MPPED2: variants seen among roughly 807,000 people sequenced by gnomAD.
MPPED2 encodes the protein metallophosphoesterase domain containing 2, also known as metallophosphoesterase MPPED2.
A neutral mutation model predicts 33.0 loss-of-function variants in MPPED2; 5 were observed. The observed-to-expected ratio is 0.15, with a 90% CI of 0.08 to 0.32. The LOEUF (loss-of-function observed/expected upper bound fraction) is 0.32, where lower values mean the gene tolerates loss of function less well. Among genes scored for constraint, MPPED2 ranks in the 10% least tolerant of loss-of-function variants. MPPED2 has a pLI of 1.00. For missense variants in MPPED2, 275 were observed against 372.1 expected (o/e 0.74, Z 2.15); for synonymous variants, 136 against 141.9 (o/e 0.96, Z 0.29).
At chr11:30,563,051 C>T (rs1268158442) in intron 2 of MPPED2, among the ~76,000 whole-genome samples, 8 of 152,164 alleles carry the variant, frequency 5.3e-5, no homozygotes, top group Middle Eastern at 3.4e-3. Flanking sequence ...GGGGATAAAA[C>T]GAGAAGCAAA....
chr11:30,446,472 T>C (rs1255038363), intron 4 of MPPED2, among the ~76,000 whole-genome samples: 1 of 150,008 alleles, frequency 6.7e-6, no homozygotes, highest in Non-Finnish European at 1.5e-5. Context: ...ATTAACTCAC[T>C]CCAAAGGGAA....
chr11:30,521,135 T>C (rs1953852887), intron 3 of MPPED2, among the ~76,000 whole-genome samples: 1 of 152,162 alleles, frequency 6.6e-6, no homozygotes, highest in African/African-American at 2.4e-5. Context: ...AATTTATGAA[T>C]TTGGGGGGAG....
At chr11:30,453,299 GA>G (rs1303786381) in intron 4 of MPPED2, among the ~76,000 whole-genome samples, 2 of 152,130 alleles carry the variant, frequency 1.3e-5, no homozygotes, top group Non-Finnish European at 2.9e-5. Context: ...AGATACTAAG[GA>G]AACTGCAGAT....
intron 4 of MPPED2, chr11:30,425,552 T>G (rs1356158152): frequency 6.6e-6 from 1 of 152,168 alleles, no homozygotes; most frequent in Non-Finnish European, 1.5e-5. Context: ...CGCCCATCCA[T>G]CATGCAAAGA....
intron 2 of MPPED2, among the ~76,000 whole-genome samples, chr11:30,557,768 G>C (rs556253231): frequency 2.0e-5 from 3 of 152,288 alleles, no homozygotes; most frequent in African/African-American, 7.2e-5. Context: ...TTGAAGATAA[G>C]TGAAAAGTTG....
intron 3 of MPPED2, among the ~76,000 whole-genome samples, chr11:30,514,777 A>G (rs1244233741): frequency 6.6e-6 from 1 of 152,178 alleles, no homozygotes; most frequent in Non-Finnish European, 1.5e-5. Flanking sequence ...GAACCAACAC[A>G]TCCAATATTT....
chr11:30,433,958 T>C (rs1247525458), intron 4 of MPPED2, among the ~76,000 whole-genome samples: 1 of 152,102 alleles, frequency 6.6e-6, no homozygotes, highest in East Asian at 1.9e-4. Flanking sequence ...TTCCTTGCCT[T>C]TTACAGCTTC....
chr11:30,508,511 C>G (rs1037809443), intron 3 of MPPED2, among the ~76,000 whole-genome samples: 1 of 152,180 alleles, frequency 6.6e-6, no homozygotes, highest in Non-Finnish European at 1.5e-5. Context: ...GCCTCCACAA[C>G]TGTGAGAAAA....
chr11:30,483,328 A>G (rs1348149397), intron 4 of MPPED2, among the ~76,000 whole-genome samples: 1 of 152,266 alleles, frequency 6.6e-6, no homozygotes, highest in Non-Finnish European at 1.5e-5. Flanking sequence ...TAGCAACAGA[A>G]GCAGTAGCAT....
chr11:30,492,548 G>A (rs1323519076), intron 4 of MPPED2, among the ~76,000 whole-genome samples: 1 of 152,066 alleles, frequency 6.6e-6, no homozygotes, highest in Non-Finnish European at 1.5e-5. Flanking sequence ...TAAGAACTGG[G>A]CTGTGAAGCT....
Position 30,395,587 on chromosome 11 carries a change from A to ATT in MPPED2, c.767-6633_767-6632dup, listed in dbSNP as rs372927553. Among the ~76,000 whole-genome samples, 726 of 152,302 alleles carry ATT rather than the reference A, an allele frequency of 4.8e-3. 7 individuals carry two copies. Among genetic ancestry groups the ATT allele is most frequent in the African/African-American group, 0.016 (686 of 41,580 alleles). On this transcript the variant is annotated intron_variant, in intron 6 of 6. Transcript: ENST00000448418. ...AGCCTCTCATGAGTTCCCAAAGGAT[A>ATT]TTGTTCCCATGGTTGAGATGCAAAC...
exon 7 of MPPED2, chr11:30,386,721 C>G (rs1468671215): frequency 5.0e-6 from 2 of 398,384 alleles, no homozygotes; most frequent in African/African-American, 4.1e-5. Context: ...GCTGCTTGTC[C>G]TGCCCTTGAA....
chr11:30,494,780 A>AGAAG (rs1233578246), intron 4 of MPPED2, among the ~76,000 whole-genome samples: 3 of 151,108 alleles, frequency 2.0e-5, no homozygotes, highest in African/African-American at 7.3e-5. Context: ...AAAGAAAGAA[A>AGAAG]AGAGAAGAAA....
At chr11:30,572,040 G>C (rs564481583) in intron 2 of MPPED2, among the ~76,000 whole-genome samples, 1 of 152,238 alleles carries the variant, frequency 6.6e-6, no homozygotes, top group African/African-American at 2.4e-5. Context: ...TGCAGGATAT[G>C]TCTATGAGTT....
intron 2 of MPPED2, among the ~76,000 whole-genome samples, chr11:30,549,405 C>T (rs1955593347): frequency 2.0e-5 from 3 of 152,166 alleles, no homozygotes; most frequent in South Asian, 2.1e-4. Flanking sequence ...TTACTAGAAA[C>T]TCTTAATGCA....
At chr11:30,521,485 C>G (rs1847386209) in intron 3 of MPPED2, among the ~76,000 whole-genome samples, 1 of 152,172 alleles carries the variant, frequency 6.6e-6, no homozygotes, top group African/African-American at 2.4e-5. Flanking sequence ...TGTCCAGTAC[C>G]ACAAGCCAGG....
chr11:30,494,594 C>T (rs903592914), intron 4 of MPPED2, among the ~76,000 whole-genome samples: 26 of 151,840 alleles, frequency 1.7e-4, no homozygotes, highest in South Asian at 2.1e-4. Flanking sequence ...GAAAATTAGC[C>T]GGGTACAGTG....
chr11:30,457,773 C>A (rs985098875), intron 4 of MPPED2, among the ~76,000 whole-genome samples: 16 of 152,158 alleles, frequency 1.1e-4, no homozygotes, highest in African/African-American at 3.6e-4. Context: ...ACAATATATG[C>A]TGTTTGGGTA....
chr11:30,385,823 G>T (rs1478013030), exon 7 of MPPED2: 1 of 151,936 alleles, frequency 6.6e-6, no homozygotes, highest in South Asian at 2.1e-4. Flanking sequence ...TTACTTACTG[G>T]GTTTTTTATC....
Sources: gnomAD v4.1 joint callset for allele counts (sites outside exome capture counted in the v4.1 genomes callset) on GRCh38, gnomAD v4.1.1 for gene constraint, MANE v1.5 for transcripts, NCBI Gene and HGNC (gene_info 2026-07-23, HGNC 2026-07-21) for gene names.